The following CADPS2 variants were observed in gnomAD, a reference collection of about 807,000 sequenced individuals.
CADPS2 encodes the protein calcium-dependent secretion activator 2.
In CADPS2, 93 loss-of-function variants were observed where a neutral mutation model predicts 172.5. That is an observed-to-expected ratio of 0.54 (90% confidence interval 0.46 to 0.64). CADPS2 has a LOEUF of 0.64. CADPS2 is among the 30% of genes least tolerant of loss of function. CADPS2 has a pLI of 0.00. For missense variants in CADPS2, 1,420 were observed against 1,565.9 expected, an observed-to-expected ratio of 0.91 and a Z score of 1.57; for synonymous variants, 546 against 555.2, an observed-to-expected ratio of 0.98 and a Z score of 0.23.
intron 27 of CADPS2, among the ~76,000 whole-genome samples, chr7:122,352,045 G>A (rs930645333): frequency 1.3e-5 from 2 of 152,114 alleles, no homozygotes; most frequent in Non-Finnish European, 2.9e-5. Flanking sequence ...TGAGATCTAT[G>A]GGTTTACAAT....
At chr7:122,594,030 T>C (rs1444805388) in intron 6 of CADPS2, among the ~76,000 whole-genome samples, 1 of 152,110 alleles carries the variant, frequency 6.6e-6, no homozygotes, top group Non-Finnish European at 1.5e-5. Flanking sequence ...AGACAATACC[T>C]TTTAAAGTAA....
intron 6 of CADPS2, among the ~76,000 whole-genome samples, chr7:122,601,650 A>T (rs938206748): frequency 2.0e-5 from 3 of 152,034 alleles, no homozygotes; most frequent in African/African-American, 7.2e-5. Flanking sequence ...ATGTTTCTAG[A>T]GCCTGTAATT....
At chr7:122,681,504 C>T (rs1790217435) in intron 2 of CADPS2, 17 of 1,464,532 alleles carry the variant, frequency 1.2e-5, no homozygotes, top group Non-Finnish European at 1.6e-5. Flanking sequence ...TGCCTATGTG[C>T]TTCCCAAGCT....
At chr7:122,673,580 G>A (rs2082086469) in intron 2 of CADPS2, among the ~76,000 whole-genome samples, 1 of 151,986 alleles carries the variant, frequency 6.6e-6, no homozygotes, top group South Asian at 2.1e-4. Context: ...CCTCCAGCTA[G>A]ACATAAAAGT....
intron 12 of CADPS2, among the ~76,000 whole-genome samples, chr7:122,475,939 A>C (rs1294257504): frequency 6.6e-6 from 1 of 152,208 alleles, no homozygotes; most frequent in Non-Finnish European, 1.5e-5. Flanking sequence ...AACTGGATGA[A>C]CACAAAACAG....
chr7:122,738,514 G>A (rs1315421407), intron 1 of CADPS2, among the ~76,000 whole-genome samples: 8 of 151,636 alleles, frequency 5.3e-5, no homozygotes, highest in African/African-American at 7.3e-5. Context: ...CATTTCATTC[G>A]ATCCTGATCA....
chr7:122,866,207 C>T (rs1424257745), intron 1 of CADPS2, among the ~76,000 whole-genome samples: 2 of 152,062 alleles, frequency 1.3e-5, no homozygotes, highest in Non-Finnish European at 2.9e-5. Context: ...ACAGTTTCAC[C>T]CTACTGCATT....
chr7:122,498,807 T>C lies in CADPS2; in HGVS notation c.1543-7387A>G, dbSNP rs2058966275. Among the ~76,000 whole-genome samples the C allele has an allele frequency of 2.0e-5, 3 of 152,190 alleles. No individual in the cohort carries two copies. In the South Asian group the frequency reaches 6.2e-4, roughly 31 times the overall value. On this transcript the variant is annotated intron_variant, in intron 9 of 29. Transcript: ENST00000449022. ...TGCTTATAAATTTCATCACCTTAAATAAAATTATTTTATAATTTATGTATG... is the reference window on the plus strand; with the variant it reads ...TGCTTATAAATTTCATCACCTTAAACAAAATTATTTTATAATTTATGTATG...
At chr7:122,775,157 G>A (rs2093837046) in intron 1 of CADPS2, among the ~76,000 whole-genome samples, 1 of 151,980 alleles carries the variant, frequency 6.6e-6, no homozygotes, top group South Asian at 2.1e-4. Flanking sequence ...TTATCCAATG[G>A]CGATATTAAA....
At chr7:122,673,908 G>A (rs1182138705) in intron 2 of CADPS2, among the ~76,000 whole-genome samples, 11 of 152,018 alleles carry the variant, frequency 7.2e-5, no homozygotes, top group South Asian at 2.1e-4. Flanking sequence ...AGCCCACGGC[G>A]GGGGGTGGGG....
At chr7:122,456,716 T>C (rs538792080) in intron 14 of CADPS2, among the ~76,000 whole-genome samples, 3 of 152,348 alleles carry the variant, frequency 2.0e-5, no homozygotes, top group East Asian at 1.9e-4. Flanking sequence ...GGTCACACTC[T>C]GTTTTCAGAG....
intron 17 of CADPS2, among the ~76,000 whole-genome samples, chr7:122,418,890 G>T (rs906622045): frequency 6.6e-6 from 1 of 152,168 alleles, no homozygotes; most frequent in African/African-American, 2.4e-5. Context: ...AAAAAAAATT[G>T]TGCATTGTAA....
intron 8 of CADPS2, among the ~76,000 whole-genome samples, chr7:122,517,111 C>A (rs1173307336): frequency 6.6e-6 from 1 of 152,072 alleles, no homozygotes; most frequent in Admixed American, 6.6e-5. Flanking sequence ...TATAATTTTT[C>A]TTTTTCCAGA....
intron 7 of CADPS2, among the ~76,000 whole-genome samples, chr7:122,580,848 T>C (rs1030752721): frequency 6.6e-6 from 1 of 152,064 alleles, no homozygotes; most frequent in African/African-American, 2.4e-5. Flanking sequence ...CAAAAATATG[T>C]TACATGAGAA....
At chr7:122,873,955 ATGTATTATTTTGAGAAG>A (rs1820514589) in intron 1 of CADPS2, among the ~76,000 whole-genome samples, 1 of 151,652 alleles carries the variant, frequency 6.6e-6, no homozygotes, top group African/African-American at 2.4e-5. Flanking sequence ...GGCTGCATAA[ATGTATTATTTTGAGAAG>A]TGTCTGTTCA....
intron 2 of CADPS2, among the ~76,000 whole-genome samples, chr7:122,666,930 T>C (rs530248225): frequency 6.6e-6 from 1 of 152,190 alleles, no homozygotes; most frequent in Admixed American, 6.5e-5. Context: ...TACTCTGCCA[T>C]GCAGTAAGAC....
chr7:122,584,844 A>G (rs2132996487), intron 6 of CADPS2, among the ~76,000 whole-genome samples: 1 of 152,046 alleles, frequency 6.6e-6, no homozygotes, highest in Non-Finnish European at 1.5e-5. Flanking sequence ...ATTACATCAG[A>G]TTAGATAGCA....
At chr7:122,828,486 T>C (rs556593879) in intron 1 of CADPS2, among the ~76,000 whole-genome samples, 31 of 152,318 alleles carry the variant, frequency 2.0e-4, no homozygotes, top group African/African-American at 7.0e-4. Flanking sequence ...TTTCACTTAG[T>C]TCTCTTTGCC....
At chr7:122,701,810 C>A (rs758845454) in intron 2 of CADPS2, 3 of 1,464,824 alleles carry the variant, frequency 2.0e-6, no homozygotes, top group Non-Finnish European at 1.9e-6. Flanking sequence ...CTGGTTACAT[C>A]TTCAGAAAAT....
Sources: allele counts gnomAD v4.1 joint callset (sites outside exome capture counted in the v4.1 genomes callset), GRCh38; gene constraint gnomAD v4.1.1; transcripts MANE v1.5; gene names NCBI Gene and HGNC (gene_info 2026-07-23, HGNC 2026-07-21).